The following DGKE variants were observed in gnomAD, a reference collection of about 807,000 sequenced individuals.
DGKE encodes DAG kinase epsilon.
In DGKE, 53 loss-of-function variants were observed where a neutral mutation model predicts 70.0. That is an observed-to-expected ratio of 0.76 (90% CI 0.61 to 0.95). The LOEUF (loss-of-function observed/expected upper bound fraction) is 0.95, where lower values mean the gene tolerates loss of function less well. DGKE is among the 40% of genes least tolerant of loss of function. The probability of loss-of-function intolerance (pLI) is 0.00; values close to 1 mark genes in which losing one functional copy is unlikely to be tolerated. For missense variants in DGKE, 655 were observed against 706.9 expected, an observed-to-expected ratio of 0.93 and a Z score of 0.83; for synonymous variants, 291 against 257.0, an observed-to-expected ratio of 1.13 and a Z score of -1.27.
At position 56,866,169 on chromosome 17, in the gene DGKE, C is replaced by G. The variant is rs1049925250; in HGVS notation, c.*3378C>G. ...TTGGGTTTTGCTTTTAAACAGTGTCCCCCTGTCTTTTTCAATTTTTCCCTT... is the reference window on the plus strand; with the variant it reads ...TTGGGTTTTGCTTTTAAACAGTGTCGCCCTGTCTTTTTCAATTTTTCCCTT... On this transcript the variant is annotated 3_prime_UTR_variant, in exon 12 of 12. Transcript: ENST00000284061. 6.6e-6 allele frequency: 1 copy of G among 152,084 alleles called. No homozygotes were observed. Among genetic ancestry groups the G allele is most frequent in the African/African-American group, 2.4e-5 (1 of 41,398 alleles). The allele number at this position is 152,084 out of a possible 1,614,324, so 9.4% of individuals were successfully genotyped here. A position where few individuals can be genotyped will look rare whatever the true frequency, so the allele number is the denominator to read the frequency against.
In DGKE at chr17:56,867,481, T is replaced by C. The variant is rs1908570953; in HGVS notation, c.*4690T>C. On this transcript the variant is annotated 3_prime_UTR_variant, in exon 12 of 12. Transcript: ENST00000284061. ...AGCCAGGTACATTGGCACATGCCTT[T>C]AATCCCAGCTAATCAGGAGGCTGAG... is the stretch of plus-strand genomic sequence containing the variant. The C allele has an allele frequency of 6.6e-6, 1 of 152,196 alleles. No individual in the cohort carries two copies. The highest frequency in any genetic ancestry group is 2.1e-4 in the South Asian group (1 of 4,830). 9.4% of individuals were successfully genotyped at this position (152,196 alleles called of 1,614,324 possible).
intron 5 of DGKE, 56 bp downstream of exon 5, chr17:56,848,121 T>C: frequency 1.3e-6 from 1 of 783,834 alleles, no homozygotes; most frequent in Non-Finnish European, 1.7e-6. Context: ...ATACTATACA[T>C]ATATATATAT....
At chr17:56,862,331 A>ATACATG in intron 11 of DGKE, 80 bp downstream of exon 11, 1 of 1,344,384 alleles carries the variant, frequency 7.4e-7, no homozygotes, top group Non-Finnish European at 1.0e-6. Context: ...TACATGCTAT[A>ATACATG]CTTTTCTTTA....
chr17:56,860,204 A>G (rs1449789606), intron 9 of DGKE, among the ~76,000 whole-genome samples: 2 of 152,226 alleles, frequency 1.3e-5, no homozygotes, highest in Non-Finnish European at 2.9e-5. Flanking sequence ...AGACAGTGAT[A>G]AATCCCTTGC....
chr17:56,859,038 T>C (rs1908120987), intron 9 of DGKE, among the ~76,000 whole-genome samples: 1 of 152,064 alleles, frequency 6.6e-6, no homozygotes, highest in African/African-American at 2.4e-5. Context: ...ATAAATAATT[T>C]ACAGTTATCT....
chr17:56,862,053 G>T, intron 10 of DGKE, 87 bp from the exon 11 acceptor site: 1 of 1,522,820 alleles, frequency 6.6e-7, no homozygotes, highest in Non-Finnish European at 8.9e-7. Flanking sequence ...TTAAGTTGAT[G>T]GTCCAACTGT....
At position 56,866,341 on chromosome 17, in the gene DGKE, T is replaced by C. The variant is rs567716253; in HGVS notation, c.*3550T>C. Reference sequence around the variant, plus strand: ...TCTGGAGATGCAACATAGAAATCTCTGTTTTTATTAACAAGCGCCTCAGGC... The same window carrying C: ...TCTGGAGATGCAACATAGAAATCTCCGTTTTTATTAACAAGCGCCTCAGGC... On this transcript the variant is annotated 3_prime_UTR_variant, in exon 12 of 12. Transcript: ENST00000284061. 2.0e-5 allele frequency: 3 copies of C among 152,252 alleles called. No homozygotes were observed. Among genetic ancestry groups the C allele is most frequent in the Non-Finnish European group, 4.4e-5 (3 of 68,052 alleles). 9.4% of individuals were successfully genotyped at this position (152,252 alleles called of 1,614,324 possible).
chr17:56,859,685 T>G (rs1200658595), intron 9 of DGKE, among the ~76,000 whole-genome samples: 1 of 152,234 alleles, frequency 6.6e-6, no homozygotes, highest in African/African-American at 2.4e-5. Context: ...CCCAAAGTGC[T>G]GGGATTACAG....
In DGKE at chr17:56,863,777, A is replaced by G. The variant is rs1162540250; in HGVS notation, c.*986A>G. The G allele has an allele frequency of 1.3e-5, 2 of 152,328 alleles. No individual in the cohort carries two copies. The highest frequency in any genetic ancestry group is 1.9e-4 in the East Asian group (1 of 5,190). The allele number at this position is 152,328 out of a possible 1,614,324, so 9.4% of individuals were successfully genotyped here. On this transcript the variant is annotated 3_prime_UTR_variant, in exon 12 of 12. Coordinates refer to ENST00000284061, the MANE Select transcript of DGKE (RefSeq NM_003647.3). ...AAATCTTTGCTAAAATGTTTATATC[A>G]TATTTATTTTAAAATGAGAGAGATA...
intron 5 of DGKE, 26 bp downstream of exon 5, chr17:56,848,091 G>A: frequency 1.4e-6 from 2 of 1,439,610 alleles, no homozygotes; most frequent in African/African-American, 1.5e-5. Context: ...AACTACTACA[G>A]AAGGACTTCT....
chr17:56,862,462 C>A, intron 11 of DGKE, 150 bp from the exon 12 acceptor site: 1 of 922,980 alleles, frequency 1.1e-6, no homozygotes, highest in Non-Finnish European at 1.6e-6. Flanking sequence ...AAAAAGAATT[C>A]CTTAATCAAT....
intron 9 of DGKE, among the ~76,000 whole-genome samples, chr17:56,861,011 A>G (rs1908256509): frequency 6.6e-6 from 1 of 152,238 alleles, no homozygotes; most frequent in Non-Finnish European, 1.5e-5. Context: ...TGTCGATCCA[A>G]CCGCTCTGTG....
At chr17:56,845,117 T>C (rs1907204870) in intron 3 of DGKE, among the ~76,000 whole-genome samples, 1 of 152,164 alleles carries the variant, frequency 6.6e-6, no homozygotes, top group Non-Finnish European at 1.5e-5. Context: ...TCATTAATGG[T>C]TACATCTACA....
intron 9 of DGKE, 132 bp downstream of exon 9, chr17:56,858,797 G>C (rs1388222610): frequency 4.9e-6 from 3 of 607,456 alleles, no homozygotes; most frequent in Non-Finnish European, 8.2e-6. Context: ...TGTGTGCCAG[G>C]CACTTTGCTA....
intron 7 of DGKE, among the ~76,000 whole-genome samples, chr17:56,853,180 T>C (rs1390561126): frequency 2.0e-5 from 3 of 152,230 alleles, no homozygotes; most frequent in Non-Finnish European, 4.4e-5. Context: ...TCCTTCTACA[T>C]TTTGGAGATT....
intron 8 of DGKE, 23 bp from the exon 9 acceptor site, chr17:56,858,571 T>C (rs776581294): frequency 3.8e-6 from 6 of 1,570,212 alleles, no homozygotes; most frequent in Non-Finnish European, 5.2e-6. Context: ...TTTAATATTA[T>C]ATTTTCTGTC....
intron 4 of DGKE, among the ~76,000 whole-genome samples, chr17:56,846,667 C>T (rs1907306148): frequency 8.3e-6 from 1 of 119,888 alleles, no homozygotes; most frequent in Non-Finnish European, 1.8e-5. Context: ...TAAAGACAAC[C>T]CATTGTGTAG....
intron 9 of DGKE, among the ~76,000 whole-genome samples, chr17:56,860,978 A>T (rs1908253245): frequency 6.6e-6 from 1 of 152,216 alleles, no homozygotes; most frequent in South Asian, 2.1e-4. Flanking sequence ...TAATTAGAGG[A>T]TGACATATTT....
At position 56,867,838 on chromosome 17, in the gene DGKE, G is replaced by C. The variant is rs2144318507; in HGVS notation, c.*5047G>C. 1 of 151,416 alleles carries C rather than the reference G, an allele frequency of 6.6e-6. No homozygotes were observed. Among genetic ancestry groups the C allele is most frequent in the African/African-American group, 2.5e-5 (1 of 40,666 alleles). The allele number at this position is 151,416 out of a possible 1,614,324, so 9.4% of individuals were successfully genotyped here. On this transcript the variant is annotated 3_prime_UTR_variant, in exon 12 of 12. Transcript: ENST00000284061. ...TGAACCCGGGAGGCAGAGCTTGCAG[G>C]GAGGCGGAGCTTGCAGCGAGCCGAG...
Sources: gnomAD v4.1 joint callset for allele counts (sites outside exome capture counted in the v4.1 genomes callset) on GRCh38, gnomAD v4.1.1 for gene constraint, MANE v1.5 for transcripts, NCBI Gene and HGNC (gene_info 2026-07-23, HGNC 2026-07-21) for gene names.